The following C1orf87 variants were observed in gnomAD, a reference collection of about 807,000 sequenced individuals.
C1orf87 encodes the protein chromosome 1 open reading frame 87, also known as uncharacterized protein C1orf87.
C1orf87 carries 58 observed loss-of-function variants against 60.5 expected under a neutral mutation model. The observed-to-expected ratio is 0.96, with a 90% CI of 0.78 to 1.19. The LOEUF is 1.19. Among genes scored for constraint, C1orf87 ranks in the 50% most tolerant of loss-of-function variants. The pLI is 0.00. For synonymous variants in C1orf87, 236 were observed against 227.4 expected (o/e 1.04, Z -0.34); for missense variants, 673 against 638.6 (o/e 1.05, Z -0.58).
intron 9 of C1orf87, among the ~76,000 whole-genome samples, chr1:60,008,490 G>A (rs1000046124): frequency 6.6e-6 from 1 of 151,974 alleles, no homozygotes; most frequent in African/African-American, 2.4e-5. Context: ...TGGAGGTAGG[G>A]CCTTTAAAGA....
intron 7 of C1orf87, among the ~76,000 whole-genome samples, chr1:60,030,345 C>T (rs1049572024): frequency 6.6e-6 from 1 of 152,134 alleles, no homozygotes; most frequent in Admixed American, 6.5e-5. Context: ...ATAGAAAACA[C>T]TAAATATGAA....
At chr1:60,066,079 C>G (rs776177768) in intron 2 of C1orf87, among the ~76,000 whole-genome samples, 1 of 152,134 alleles carries the variant, frequency 6.6e-6, no homozygotes, top group Admixed American at 6.5e-5. Context: ...CATCTGTGAG[C>G]CTTTAGCAAG....
At chr1:59,997,169 C>T (rs189607291) in intron 11 of C1orf87, among the ~76,000 whole-genome samples, 1 of 152,228 alleles carries the variant, frequency 6.6e-6, no homozygotes, top group Non-Finnish European at 1.5e-5. Flanking sequence ...GTGTGCGAGA[C>T]AAGGCCTGCT....
At chr1:60,067,847 TG>T (rs1172173243) in intron 2 of C1orf87, among the ~76,000 whole-genome samples, 4 of 152,120 alleles carry the variant, frequency 2.6e-5, no homozygotes, top group African/African-American at 9.7e-5. Flanking sequence ...AGGGTTTTTT[TG>T]GTTTTATGTT....
chr1:59,999,187 C>T (rs928212535), intron 10 of C1orf87, among the ~76,000 whole-genome samples: 2 of 152,084 alleles, frequency 1.3e-5, no homozygotes, highest in Non-Finnish European at 2.9e-5. Flanking sequence ...GATTAAGTTG[C>T]TGCTGGGGAA....
intron 8 of C1orf87, among the ~76,000 whole-genome samples, chr1:60,017,157 A>C (rs1271409314): frequency 1.5e-4 from 23 of 152,248 alleles, no homozygotes; most frequent in Non-Finnish European, 1.5e-5. Flanking sequence ...TGCAATAATT[A>C]AAAGAGTTAA....
intron 9 of C1orf87, among the ~76,000 whole-genome samples, chr1:60,003,882 C>T (rs944605748): frequency 6.6e-6 from 1 of 152,026 alleles, no homozygotes; most frequent in Non-Finnish European, 1.5e-5. Flanking sequence ...TCTTTATCCT[C>T]TCATATCTAC....
At chr1:60,052,758 A>C (rs376764647) in intron 3 of C1orf87, among the ~76,000 whole-genome samples, 2 of 152,188 alleles carry the variant, frequency 1.3e-5, no homozygotes, top group Admixed American at 1.3e-4. Flanking sequence ...AGTGATAAGG[A>C]TCTAGAAAGA....
intron 2 of C1orf87, among the ~76,000 whole-genome samples, chr1:60,069,349 T>A (rs138052269): frequency 6.6e-6 from 1 of 152,248 alleles, no homozygotes; most frequent in Non-Finnish European, 1.5e-5. Context: ...TCTAACAAGT[T>A]CCCAGCTAAG....
At chr1:60,070,864 CCTTG>C (rs1363174175) in intron 2 of C1orf87, among the ~76,000 whole-genome samples, 1 of 152,132 alleles carries the variant, frequency 6.6e-6, no homozygotes, top group Non-Finnish European at 1.5e-5. Context: ...AAATACTACT[CCTTG>C]CTTTCTGTTT....
intron 9 of C1orf87, among the ~76,000 whole-genome samples, chr1:60,001,929 C>T (rs141667056): frequency 1.6e-3 from 246 of 152,168 alleles, no homozygotes; most frequent in African/African-American, 5.7e-3. Context: ...GCAGGAAAAA[C>T]ACAAACAAAT....
chr1:60,024,296 C>T (rs1392908996), intron 8 of C1orf87, among the ~76,000 whole-genome samples: 1 of 152,074 alleles, frequency 6.6e-6, no homozygotes, highest in Non-Finnish European at 1.5e-5. Context: ...CATTTTCAAG[C>T]CTTGTTAGAG....
intron 2 of C1orf87, among the ~76,000 whole-genome samples, chr1:60,059,588 C>T (rs1017037527): frequency 5.9e-5 from 9 of 152,284 alleles, no homozygotes; most frequent in Non-Finnish European, 1.2e-4. Flanking sequence ...GCATCCTCTG[C>T]CCAAAGCAAG....
intron 7 of C1orf87, among the ~76,000 whole-genome samples, chr1:60,030,825 C>G (rs1645232770): frequency 6.6e-6 from 1 of 152,166 alleles, no homozygotes; most frequent in Non-Finnish European, 1.5e-5. Context: ...GCTAGAGGAA[C>G]AGGATGAGTG....
chr1:59,997,757 T>C lies in C1orf87; in HGVS notation c.1332A>G (p.Lys444=). 1 of 1,613,936 alleles carries C rather than the reference T, an allele frequency of 6.2e-7. No individual in the cohort carries two copies. Among genetic ancestry groups the C allele is most frequent in the Admixed American group, 1.7e-5 (1 of 59,988 alleles). Reference sequence around the variant, plus strand: ...TGATCTTTAAAGGTTTCAGAGGATCTTTGCAGGCTGAAGTTTCAGCAGGAG... The same window carrying C: ...TGATCTTTAAAGGTTTCAGAGGATCCTTGCAGGCTGAAGTTTCAGCAGGAG... ...ESSPAETSAC[K]DPLKPLKIRP... The change falls in exon 11 of 12, where the codon AAA becomes AAG. Residue 444 remains lysine, a synonymous_variant. Transcript: ENST00000371201.
intron 8 of C1orf87, among the ~76,000 whole-genome samples, chr1:60,020,152 G>A (rs577900560): frequency 1.3e-5 from 2 of 152,256 alleles, no homozygotes; most frequent in South Asian, 4.1e-4. Flanking sequence ...GTCTAGGAGG[G>A]AAAAATAGTT....
chr1:60,043,452 G>A (rs1191424727), intron 3 of C1orf87, among the ~76,000 whole-genome samples: 3 of 152,088 alleles, frequency 2.0e-5, no homozygotes, highest in African/African-American at 7.2e-5. Context: ...CGCGATCTCG[G>A]CTCACTGCAA....
At chr1:60,020,055 G>A (rs1026019034) in intron 8 of C1orf87, among the ~76,000 whole-genome samples, 11 of 152,188 alleles carry the variant, frequency 7.2e-5, no homozygotes, top group Non-Finnish European at 1.3e-4. Flanking sequence ...GTGATGAGGA[G>A]CTATATATTA....
chr1:60,066,732 T>C (rs1645548968), intron 2 of C1orf87, among the ~76,000 whole-genome samples: 1 of 151,986 alleles, frequency 6.6e-6, no homozygotes, highest in South Asian at 2.1e-4. Flanking sequence ...AATGTGCAGG[T>C]TTGTTATATA....
Sources: allele counts gnomAD v4.1 joint callset (sites outside exome capture counted in the v4.1 genomes callset), GRCh38; gene constraint gnomAD v4.1.1; transcripts MANE v1.5; gene names NCBI Gene and HGNC (gene_info 2026-07-23, HGNC 2026-07-21).